The following PLCB1 variants were observed in gnomAD, a reference collection of about 807,000 sequenced individuals.
PLCB1 encodes the protein phospholipase C beta 1.
A neutral mutation model predicts 161.8 loss-of-function variants in PLCB1; 46 were observed. The ratio of observed to expected loss-of-function variants is 0.28; its 90% CI spans 0.22 to 0.36. The LOEUF (loss-of-function observed/expected upper bound fraction) is 0.36. Ranked by LOEUF, PLCB1 falls within the 10% of genes least tolerant of loss-of-function variation. The pLI is 1.00. For synonymous variants in PLCB1, 517 were observed against 503.7 expected, an observed-to-expected ratio of 1.03 and a Z score of -0.35; for missense variants, 1,016 against 1,472.5, an observed-to-expected ratio of 0.69 and a Z score of 5.07.
chr20:8,788,387 G>A, intron 27 of PLCB1, 62 bp from the exon 28 acceptor site: 1 of 1,441,412 alleles, frequency 6.9e-7, no homozygotes, highest in Admixed American at 1.8e-5. Context: ...GTTTGAGGGA[G>A]GTGGGAAGGA....
chr20:8,689,976 A>T (rs1008456414), intron 10 of PLCB1, among the ~76,000 whole-genome samples: 1 of 27,156 alleles, frequency 3.7e-5, no homozygotes, highest in African/African-American at 8.0e-5. Flanking sequence ...TTTCTGTACA[A>T]TGGTTTTGTA....
At chr20:8,798,157 A>G (rs576061850) in intron 31 of PLCB1, among the ~76,000 whole-genome samples, 15 of 151,764 alleles carry the variant, frequency 9.9e-5, no homozygotes, top group Non-Finnish European at 1.8e-4. Flanking sequence ...AGATCATGCC[A>G]CTGCACTCCA....
Position 8,740,350 on chromosome 20 carries a change from A to G in PLCB1, c.2315A>G (p.His772Arg). 2.5e-6 allele frequency: 4 copies of G among 1,584,094 alleles called. No individual in the cohort carries two copies. Among genetic ancestry groups the G allele is most frequent in the African/African-American group, 1.3e-5 (1 of 74,294 alleles). The change falls in exon 22 of 32, where the codon CAC becomes CGC. Residue 772 changes from histidine (H) to arginine (R), a missense_variant. His to Arg is a conservative substitution (Grantham distance 29). Around this residue, in one of 10 missense-constraint regions of PLCB1, gnomAD observed 75 missense variants for 117.0 expected, o/e 0.64. Transcript: ENST00000338037. ...LPVQAIRPGYHYICLRNERNQ... is the reference protein window; with the variant it reads ...LPVQAIRPGYRYICLRNERNQ... ...CATTATTCTCACCTTCCAGGCTATCACTATATCTGTCTAAGGAATGAAAGG... is the reference window on the plus strand; with the variant it reads ...CATTATTCTCACCTTCCAGGCTATCGCTATATCTGTCTAAGGAATGAAAGG...
chr20:8,497,371 A>G (rs1240347749), intron 3 of PLCB1, among the ~76,000 whole-genome samples: 1 of 152,210 alleles, frequency 6.6e-6, no homozygotes, highest in African/African-American at 2.4e-5. Flanking sequence ...GGATTTAGGT[A>G]AATACTGTCT....
intron 31 of PLCB1, among the ~76,000 whole-genome samples, chr20:8,839,735 T>TAA (rs71331333): frequency 0.2 from 21,928 of 108,690 alleles, 1,860 homozygotes; most frequent in South Asian, 0.27. Flanking sequence ...TAGTAATTCT[T>TAA]AAAAAAAAAA....
chr20:8,632,034 G>GTTTTTTTTTTTTTTTTTTTTT (rs750797408), intron 4 of PLCB1, among the ~76,000 whole-genome samples: 1 of 81,750 alleles, frequency 1.2e-5, no homozygotes. Flanking sequence ...GGTTTTTTTT[G>GTTTTTTTTTTTTTTTTTTTTT]CTTTTTTTTT....
chr20:8,757,056 G>C lies in PLCB1; in HGVS notation c.2534G>C (p.Gly845Ala). The C allele has an allele frequency of 2.5e-6, 4 of 1,607,320 alleles. No individual in the cohort carries two copies. The highest frequency in any genetic ancestry group is 3.4e-6 in the Non-Finnish European group (4 of 1,176,748). The change falls in exon 24 of 32, where the codon GGA becomes GCA. Residue 845 changes from glycine (G) to alanine (A), a missense_variant. Gly to Ala is a moderately conservative substitution (Grantham distance 60). Around this residue, in one of 10 missense-constraint regions of PLCB1, gnomAD observed 398 missense variants for 445.4 expected, o/e 0.89. Transcript: ENST00000338037. ...EEEVKKEADP[G>A]ETPSEAPSEA... The stretch of plus-strand genomic sequence containing the variant: ...TATTTATAATTTTAGGCTGATCCTG[G>C]AGAAACACCATCAGAGGCTCCAAGT...
At chr20:8,488,118 ATGT>A (rs965913932) in intron 3 of PLCB1, among the ~76,000 whole-genome samples, 30 of 152,238 alleles carry the variant, frequency 2.0e-4, no homozygotes, top group African/African-American at 7.0e-4. Flanking sequence ...ACATTTTGAT[ATGT>A]TGTTATGATG....
At chr20:8,280,615 T>C (rs949072144) in intron 2 of PLCB1, among the ~76,000 whole-genome samples, 1 of 152,192 alleles carries the variant, frequency 6.6e-6, no homozygotes, top group Non-Finnish European at 1.5e-5. Context: ...TTTATATAAA[T>C]ATAAAAACAA....
Position 8,827,863 on chromosome 20 carries a change from C to G in PLCB1, c.3423+37602C>G, listed in dbSNP as rs1235306931. Among the ~76,000 whole-genome samples the G allele has an allele frequency of 2.6e-5, 4 of 152,228 alleles. No individual in the cohort carries two copies. The South Asian group carries it at 8.3e-4, about 32-fold the overall frequency. ...ATGTCCTCAAAATTTCTATTGAGCA[C>G]AGCCATGTGCATTCTGTTATGCATT... On this transcript the variant is annotated intron_variant, in intron 31 of 31. Coordinates refer to ENST00000338037, the MANE Select transcript of PLCB1 (RefSeq NM_015192.4).
chr20:8,181,948 T>C (rs2051848379), intron 2 of PLCB1, among the ~76,000 whole-genome samples: 2 of 152,258 alleles, frequency 1.3e-5, no homozygotes, highest in East Asian at 3.9e-4. Flanking sequence ...CAGCCTGAGC[T>C]ACAGAGTAAG....
chr20:8,375,613 TTC>T (rs770024866), intron 3 of PLCB1, among the ~76,000 whole-genome samples: 3 of 152,166 alleles, frequency 2.0e-5, no homozygotes, highest in Non-Finnish European at 4.4e-5. Flanking sequence ...ACAAGATCAT[TTC>T]TTCAGCCTCA....
At chr20:8,716,753 G>A (rs1484090763) in intron 13 of PLCB1, among the ~76,000 whole-genome samples, 1 of 152,210 alleles carries the variant, frequency 6.6e-6, no homozygotes, top group African/African-American at 2.4e-5. Flanking sequence ...CCTGCTGGCT[G>A]TTCTCTATTT....
intron 10 of PLCB1, among the ~76,000 whole-genome samples, chr20:8,696,015 G>A (rs998515206): frequency 2.0e-5 from 3 of 152,014 alleles, no homozygotes; most frequent in Admixed American, 2.0e-4. Flanking sequence ...TCCCATTCTG[G>A]TAAAGTTTAT....
intron 3 of PLCB1, among the ~76,000 whole-genome samples, chr20:8,402,517 A>G (rs1002409719): frequency 4.6e-5 from 7 of 152,068 alleles, no homozygotes; most frequent in African/African-American, 1.7e-4. Flanking sequence ...TTATGTATCC[A>G]TGTACTTCAC....
chr20:8,786,448 G>C (rs976430052), intron 27 of PLCB1, among the ~76,000 whole-genome samples: 3 of 152,158 alleles, frequency 2.0e-5, no homozygotes, highest in Non-Finnish European at 4.4e-5. Context: ...CCACTTCACA[G>C]ATGAATGCAT....
chr20:8,773,255 T>C (rs147384931), intron 26 of PLCB1, among the ~76,000 whole-genome samples: 358 of 152,318 alleles, frequency 2.4e-3, no homozygotes, highest in African/African-American at 8.1e-3. Context: ...GTGAAAAATA[T>C]GGAGGCAGAG....
chr20:8,292,692 G>A (rs1983440875), intron 2 of PLCB1, among the ~76,000 whole-genome samples: 1 of 152,112 alleles, frequency 6.6e-6, no homozygotes, highest in South Asian at 2.1e-4. Flanking sequence ...CCTGCATAAT[G>A]CTATAATTAT....
intron 27 of PLCB1, among the ~76,000 whole-genome samples, chr20:8,787,772 A>G (rs1219200056): frequency 6.6e-6 from 1 of 152,278 alleles, no homozygotes; most frequent in Admixed American, 6.5e-5. Context: ...GCTTGATTTG[A>G]TAATAGATGT....
Sources: allele counts gnomAD v4.1 joint callset (sites outside exome capture counted in the v4.1 genomes callset), GRCh38; gene constraint gnomAD v4.1.1; regional missense constraint gnomAD v4.1.1; transcripts MANE v1.5; gene names NCBI Gene and HGNC (gene_info 2026-07-23, HGNC 2026-07-21).